Variants in MAPKAP1 observed in about 807,000 individuals in gnomAD.
The protein encoded by MAPKAP1 is MAPK associated protein 1.
A neutral mutation model predicts 65.7 loss-of-function variants in MAPKAP1; 20 were observed. The observed-to-expected ratio is 0.30, with a 90% CI of 0.21 to 0.44. The LOEUF (loss-of-function observed/expected upper bound fraction) is 0.44. MAPKAP1 is among the 20% of genes least tolerant of loss of function. The pLI is 1.00. For synonymous variants in MAPKAP1, 222 were observed against 244.3 expected (o/e 0.91, Z 0.85); for missense variants, 423 against 648.0 (o/e 0.65, Z 3.77).
intron 1 of MAPKAP1, among the ~76,000 whole-genome samples, chr9:125,676,440 G>C (rs916886998): frequency 1.3e-5 from 2 of 152,192 alleles, no homozygotes; most frequent in African/African-American, 4.8e-5. Flanking sequence ...ATATTGTTCA[G>C]CCTTCAAACA....
rs146624156 is a variant in MAPKAP1, at chr9:125,462,767, A to G, written c.1345+5205T>C. Among the ~76,000 whole-genome samples the G allele has an allele frequency of 3.1e-3, 474 of 152,342 alleles. 2 individuals are homozygous for G. Among genetic ancestry groups the G allele is most frequent in the Middle Eastern group, 6.8e-3 (2 of 294 alleles). The stretch of plus-strand genomic sequence containing the variant: ...AATTTGTATAATCTAGGAAAACTGG[A>G]TACTGAATTAAACCATCAAATACCC... On this transcript the variant is annotated intron_variant, in intron 10 of 11. Transcript: ENST00000265960.
chr9:125,694,000 T>C (rs1244493641), intron 1 of MAPKAP1, among the ~76,000 whole-genome samples: 1 of 151,986 alleles, frequency 6.6e-6, no homozygotes, highest in Admixed American at 6.6e-5. Context: ...AGACCCCTTC[T>C]CTGTTATTTG....
chr9:125,444,322 C>T lies in MAPKAP1; in HGVS notation c.1443+179G>A, dbSNP rs545929736. Among the ~76,000 whole-genome samples, 48 of 152,300 alleles carry T rather than the reference C, an allele frequency of 3.2e-4. No individual in the cohort carries two copies. In the Middle Eastern group the frequency reaches 0.01, roughly 32 times the overall value. ...GCAGCTGAGCGGGGGCTGGTGTGGC[C>T]CTGGCACAGGCACTCACCCCTGGGT... is the stretch of plus-strand genomic sequence containing the variant. On this transcript the variant is annotated intron_variant, in intron 11 of 11. Coordinates refer to ENST00000265960, the MANE Select transcript of MAPKAP1 (RefSeq NM_001006617.3).
intron 4 of MAPKAP1, among the ~76,000 whole-genome samples, chr9:125,614,581 C>T (rs755048786): frequency 9.2e-5 from 14 of 152,050 alleles, no homozygotes; most frequent in South Asian, 4.1e-4. Context: ...GCCAAGATCG[C>T]GCCATTGCAC....
intron 4 of MAPKAP1, among the ~76,000 whole-genome samples, chr9:125,616,801 C>T (rs529880839): frequency 6.6e-6 from 1 of 152,290 alleles, no homozygotes; most frequent in East Asian, 1.9e-4. Flanking sequence ...TCCCATGACC[C>T]TGTAAGTCCA....
intron 10 of MAPKAP1, among the ~76,000 whole-genome samples, chr9:125,456,180 C>T (rs538855634): frequency 1.3e-5 from 2 of 152,188 alleles, no homozygotes; most frequent in African/African-American, 2.4e-5. Flanking sequence ...TTCTCTTTAT[C>T]GCTGGTTCTC....
At chr9:125,582,010 T>C (rs1289900436) in intron 5 of MAPKAP1, among the ~76,000 whole-genome samples, 1 of 152,186 alleles carries the variant, frequency 6.6e-6, no homozygotes, top group Non-Finnish European at 1.5e-5. Flanking sequence ...CCTTTGAATC[T>C]TTCCTTCATG....
chr9:125,646,715 CA>C lies in MAPKAP1; in HGVS notation c.498+10935del, dbSNP rs1292584097. Among the ~76,000 whole-genome samples the C allele has an allele frequency of 2.0e-5, 3 of 152,216 alleles. No homozygotes were observed. In the East Asian group the frequency reaches 5.8e-4, roughly 29 times the overall value. ...CATCATGGTTGAAAAAAGAACCCAGCAAGTTATTGTTTTGATACCATAATTA... is the reference window on the plus strand; with the variant it reads ...CATCATGGTTGAAAAAAGAACCCAGCAGTTATTGTTTTGATACCATAATTA... On this transcript the variant is annotated intron_variant, in intron 4 of 11. Transcript: ENST00000265960.
intron 10 of MAPKAP1, among the ~76,000 whole-genome samples, chr9:125,463,628 T>C (rs1254083277): frequency 6.6e-6 from 1 of 152,222 alleles, no homozygotes; most frequent in African/African-American, 2.4e-5. Flanking sequence ...AAAGAGTTCC[T>C]ATCTTGCATC....
At chr9:125,459,420 G>C (rs376752073) in intron 10 of MAPKAP1, among the ~76,000 whole-genome samples, 10 of 151,504 alleles carry the variant, frequency 6.6e-5, no homozygotes, top group South Asian at 4.2e-4. Flanking sequence ...GGTGGCGGCC[G>C]GGCAGAGGCT....
chr9:125,652,716 G>C (rs555181039), intron 4 of MAPKAP1, among the ~76,000 whole-genome samples: 11 of 152,006 alleles, frequency 7.2e-5, no homozygotes, highest in Non-Finnish European at 1.3e-4. Context: ...ACTGCCAAGC[G>C]ATCACCAATA....
intron 10 of MAPKAP1, among the ~76,000 whole-genome samples, chr9:125,467,185 T>C (rs1589216677): frequency 1.3e-5 from 2 of 152,230 alleles, no homozygotes. Flanking sequence ...CATTATCTTA[T>C]AGCAGTCTCT....
At chr9:125,544,336 C>T (rs894226004) in intron 6 of MAPKAP1, among the ~76,000 whole-genome samples, 1 of 151,944 alleles carries the variant, frequency 6.6e-6, no homozygotes, top group African/African-American at 2.4e-5. Context: ...ACAGTCTATA[C>T]ACTTCAGTAT....
At chr9:125,600,176 G>A (rs1390179491) in intron 4 of MAPKAP1, among the ~76,000 whole-genome samples, 1 of 149,472 alleles carries the variant, frequency 6.7e-6, no homozygotes, top group Non-Finnish European at 1.5e-5. Flanking sequence ...ATGTTCAAAT[G>A]TAGGTAAGAC....
intron 4 of MAPKAP1, among the ~76,000 whole-genome samples, chr9:125,631,746 C>A (rs143663133): frequency 3.1e-4 from 47 of 152,322 alleles, no homozygotes; most frequent in Non-Finnish European, 5.7e-4. Flanking sequence ...CTACTACTTT[C>A]ATTGCCCAGA....
At chr9:125,591,720 T>C (rs1009060521) in intron 4 of MAPKAP1, among the ~76,000 whole-genome samples, 2 of 152,190 alleles carry the variant, frequency 1.3e-5, no homozygotes, top group Admixed American at 6.5e-5. Context: ...AGCTCTATCC[T>C]AATAGTCCCT....
chr9:125,603,279 A>G (rs933575407), intron 4 of MAPKAP1, among the ~76,000 whole-genome samples: 1 of 152,174 alleles, frequency 6.6e-6, no homozygotes, highest in African/African-American at 2.4e-5. Context: ...CTGTACTCGG[A>G]TTATGAGGCT....
intron 5 of MAPKAP1, among the ~76,000 whole-genome samples, chr9:125,573,851 T>C (rs1220730795): frequency 6.6e-6 from 1 of 152,230 alleles, no homozygotes. Flanking sequence ...GGCAAAGCTC[T>C]CATAAACAGT....
At chr9:125,527,117 T>G (rs1230136825) in intron 7 of MAPKAP1, among the ~76,000 whole-genome samples, 1 of 151,364 alleles carries the variant, frequency 6.6e-6, no homozygotes, top group East Asian at 1.9e-4. Flanking sequence ...CAGGCTGGAG[T>G]ACAGTGGCGC....
Sources: allele counts gnomAD v4.1 joint callset (sites outside exome capture counted in the v4.1 genomes callset), GRCh38; gene constraint gnomAD v4.1.1; transcripts MANE v1.5; gene names NCBI Gene and HGNC (gene_info 2026-07-23, HGNC 2026-07-21).